SGCZ: variants seen among roughly 807,000 people sequenced by gnomAD.
The protein encoded by SGCZ is sarcoglycan zeta.
Under a neutral mutation model 41.3 loss-of-function variants are expected in SGCZ, and 40 were observed. The ratio of observed to expected loss-of-function variants is 0.97; its 90% CI spans 0.75 to 1.26. The LOEUF (loss-of-function observed/expected upper bound fraction) is 1.26. Ranked by LOEUF, SGCZ falls within the 50% of genes most tolerant of loss-of-function variation. The pLI is 0.00. For missense variants in SGCZ, 552 were observed against 369.8 expected, an observed-to-expected ratio of 1.49 and a Z score of -4.04; for synonymous variants, 206 against 137.5, an observed-to-expected ratio of 1.50 and a Z score of -3.49.
At chr8:14,946,618 C>G (rs1328161793) in intron 1 of SGCZ, among the ~76,000 whole-genome samples, 1 of 151,410 alleles carries the variant, frequency 6.6e-6, no homozygotes, top group Non-Finnish European at 1.5e-5. Context: ...ATGTTATTCT[C>G]TTAACAGGAT....
chr8:14,751,190 G>C (rs534710505), intron 1 of SGCZ, among the ~76,000 whole-genome samples: 64 of 152,192 alleles, frequency 4.2e-4, no homozygotes, highest in Admixed American at 1.4e-3. Context: ...CAGGAATATA[G>C]TTCGTAAGCA....
intron 2 of SGCZ, among the ~76,000 whole-genome samples, chr8:14,369,594 G>C (rs913701458): frequency 6.6e-6 from 1 of 151,914 alleles, no homozygotes; most frequent in African/African-American, 2.4e-5. Flanking sequence ...TTATGGAAAA[G>C]TCGTTTGGGA....
chr8:14,734,428 C>T (rs1798965795), intron 1 of SGCZ, among the ~76,000 whole-genome samples: 1 of 152,100 alleles, frequency 6.6e-6, no homozygotes, highest in Non-Finnish European at 1.5e-5. Flanking sequence ...CAAATTCACG[C>T]ATTTGCCCCG....
chr8:15,234,285 G>C (rs1185630730), intron 1 of SGCZ, among the ~76,000 whole-genome samples: 2 of 152,198 alleles, frequency 1.3e-5, no homozygotes, highest in African/African-American at 4.8e-5. Flanking sequence ...GATACTCCAG[G>C]ATGGAGGGGG....
intron 1 of SGCZ, among the ~76,000 whole-genome samples, chr8:15,100,786 C>T (rs192139017): frequency 3.9e-4 from 59 of 152,078 alleles, no homozygotes; most frequent in African/African-American, 1.2e-3. Context: ...AATTCAAGTC[C>T]GGCCTGGGCA....
At chr8:14,374,117 C>G (rs1391929312) in intron 2 of SGCZ, among the ~76,000 whole-genome samples, 1 of 152,178 alleles carries the variant, frequency 6.6e-6, no homozygotes, top group Non-Finnish European at 1.5e-5. Context: ...ATGGCTCACA[C>G]CTATAATCCC....
intron 1 of SGCZ, among the ~76,000 whole-genome samples, chr8:14,626,352 G>T (rs1384315793): frequency 1.3e-5 from 2 of 151,704 alleles, no homozygotes; most frequent in East Asian, 3.9e-4. Context: ...TCCCCTCCCT[G>T]TATCCATGTG....
intron 1 of SGCZ, among the ~76,000 whole-genome samples, chr8:15,028,051 C>T (rs1803520596): frequency 6.6e-6 from 1 of 152,048 alleles, no homozygotes; most frequent in East Asian, 1.9e-4. Flanking sequence ...AACTCAGTTA[C>T]CACTGCCTTC....
At chr8:14,430,409 G>T (rs972744651) in intron 2 of SGCZ, among the ~76,000 whole-genome samples, 10 of 152,050 alleles carry the variant, frequency 6.6e-5, no homozygotes, top group Non-Finnish European at 1.2e-4. Context: ...GTCAATAAAT[G>T]TAATACACCA....
chr8:14,198,981 T>C (rs777456511), intron 4 of SGCZ, among the ~76,000 whole-genome samples: 1 of 152,212 alleles, frequency 6.6e-6, no homozygotes, highest in Non-Finnish European at 1.5e-5. Flanking sequence ...TTGTGTTAAC[T>C]GCACAAATTG....
intron 1 of SGCZ, among the ~76,000 whole-genome samples, chr8:15,078,529 T>C (rs1015258125): frequency 6.6e-6 from 1 of 152,094 alleles, no homozygotes; most frequent in African/African-American, 2.4e-5. Flanking sequence ...GGATGTGATA[T>C]CTCCCAGATA....
rs113416157 is a variant in SGCZ, at chr8:14,323,871, T to C, written c.336+232A>G. ...AAATAGAGAGGCACATTTTATAGAG[T>C]AGAAAAGCTACACTGCAGGTTAGTT... On this transcript the variant is annotated intron_variant, in intron 3 of 7. Coordinates refer to ENST00000382080, the MANE Select transcript of SGCZ (RefSeq NM_139167.4). 1.1e-4 allele frequency among the ~76,000 whole-genome samples: 16 copies of C among 152,164 alleles called. 2 individuals are homozygous for C. The highest frequency in any genetic ancestry group is 3.6e-4 in the African/African-American group (15 of 41,548).
intron 1 of SGCZ, among the ~76,000 whole-genome samples, chr8:14,576,017 AAAC>A (rs1442566551): frequency 6.6e-6 from 1 of 152,210 alleles, no homozygotes; most frequent in African/African-American, 2.4e-5. Flanking sequence ...TTAAATGAGA[AAAC>A]AAGCAATACT....
chr8:14,472,210 T>C (rs1040422378), intron 2 of SGCZ, among the ~76,000 whole-genome samples: 2 of 152,128 alleles, frequency 1.3e-5, no homozygotes, highest in African/African-American at 4.8e-5. Context: ...AATTAAATTC[T>C]CAGTAATCTT....
chr8:15,073,028 G>A (rs1324000867), intron 1 of SGCZ, among the ~76,000 whole-genome samples: 3 of 152,124 alleles, frequency 2.0e-5, no homozygotes, highest in Non-Finnish European at 4.4e-5. Flanking sequence ...CTGAACAGAA[G>A]ACTTGTTTTA....
In SGCZ at chr8:14,256,810, T is replaced by C. The variant is rs555544926; in HGVS notation, c.337-19131A>G. On this transcript the variant is annotated intron_variant, in intron 3 of 7. Coordinates refer to ENST00000382080, the MANE Select transcript of SGCZ (RefSeq NM_139167.4). ...CAACTTTCCGGGTTCACAGAAGCTA[T>C]ATCATCAAACTGTCTAATATTTACT... 2.0e-5 allele frequency among the ~76,000 whole-genome samples: 3 copies of C among 152,338 alleles called. No homozygotes were observed. In the South Asian group the frequency reaches 6.2e-4, roughly 32 times the overall value.
intron 1 of SGCZ, among the ~76,000 whole-genome samples, chr8:14,590,150 A>G (rs1805195316): frequency 6.6e-6 from 1 of 152,166 alleles, no homozygotes; most frequent in South Asian, 2.1e-4. Flanking sequence ...ATATTTTTAC[A>G]TCATTCAAAA....
At chr8:15,025,584 G>C (rs935071479) in intron 1 of SGCZ, among the ~76,000 whole-genome samples, 1 of 152,154 alleles carries the variant, frequency 6.6e-6, no homozygotes, top group African/African-American at 2.4e-5. Flanking sequence ...TTCTCCTGAA[G>C]TGTCACCAGT....
chr8:14,993,697 G>T (rs1433291924), intron 1 of SGCZ, among the ~76,000 whole-genome samples: 1 of 152,204 alleles, frequency 6.6e-6, no homozygotes, highest in Non-Finnish European at 1.5e-5. Context: ...GGTAGAGATT[G>T]TGGATGGCAA....
Sources: allele counts gnomAD v4.1 joint callset (sites outside exome capture counted in the v4.1 genomes callset), GRCh38; gene constraint gnomAD v4.1.1; transcripts MANE v1.5; gene names NCBI Gene and HGNC (gene_info 2026-07-23, HGNC 2026-07-21).